Variants in NKAIN2 observed in about 807,000 individuals in gnomAD.
NKAIN2 encodes the protein sodium/potassium-transporting ATPase subunit beta-1-interacting protein 2.
A neutral mutation model predicts 32.6 loss-of-function variants in NKAIN2; 14 were observed. That is an observed-to-expected ratio of 0.43 (90% CI 0.28 to 0.67). The LOEUF (loss-of-function observed/expected upper bound fraction) is 0.67, where lower values mean the gene tolerates loss of function less well. NKAIN2 is among the 30% of genes least tolerant of loss of function. The pLI is 0.17. For missense variants in NKAIN2, 198 were observed against 258.3 expected, an observed-to-expected ratio of 0.77 and a Z score of 1.60; for synonymous variants, 80 against 87.2, an observed-to-expected ratio of 0.92 and a Z score of 0.46.
intron 3 of NKAIN2, among the ~76,000 whole-genome samples, chr6:124,358,985 C>A (rs9401738): frequency 0.13 from 18,984 of 148,156 alleles, 1,267 homozygotes; most frequent in African/African-American, 0.18. Context: ...TCAGCTTTCT[C>A]CATATGGCTA....
At chr6:124,271,226 A>G (rs939201219) in intron 1 of NKAIN2, among the ~76,000 whole-genome samples, 1 of 150,030 alleles carries the variant, frequency 6.7e-6, no homozygotes, top group African/African-American at 2.5e-5. Context: ...CTCCTTTCTT[A>G]TTTTTTTTTG....
chr6:123,873,208 A>G (rs1772991017), intron 1 of NKAIN2, among the ~76,000 whole-genome samples: 1 of 147,876 alleles, frequency 6.8e-6, no homozygotes, highest in South Asian at 2.2e-4. Context: ...GCCATGGAAG[A>G]GCTAATATAT....
chr6:123,862,606 T>G (rs1201477617), intron 1 of NKAIN2, among the ~76,000 whole-genome samples: 1 of 152,198 alleles, frequency 6.6e-6, no homozygotes, highest in Non-Finnish European at 1.5e-5. Context: ...GCTCCATAGT[T>G]TATACCCTGT....
intron 5 of NKAIN2, among the ~76,000 whole-genome samples, chr6:124,792,513 T>G (rs910701298): frequency 6.6e-6 from 1 of 152,156 alleles, no homozygotes; most frequent in African/African-American, 2.4e-5. Context: ...TGTCAGCCTT[T>G]GGAGATTTTA....
intron 3 of NKAIN2, among the ~76,000 whole-genome samples, chr6:124,580,846 C>G (rs1781492076): frequency 1.3e-5 from 2 of 152,024 alleles, no homozygotes; most frequent in Non-Finnish European, 2.9e-5. Context: ...ACAAACCAAA[C>G]AACTAAACAA....
At chr6:124,726,136 C>T (rs929099502) in intron 4 of NKAIN2, among the ~76,000 whole-genome samples, 1 of 152,298 alleles carries the variant, frequency 6.6e-6, no homozygotes, top group South Asian at 2.1e-4. Context: ...GGGGGAGGGG[C>T]GCCCACCATT....
At chr6:123,965,388 G>A (rs1778024046) in intron 1 of NKAIN2, among the ~76,000 whole-genome samples, 1 of 152,178 alleles carries the variant, frequency 6.6e-6, no homozygotes, top group South Asian at 2.1e-4. Context: ...TAAGGGATTA[G>A]AATGGGAAAT....
At chr6:124,423,827 G>A (rs1295127771) in intron 3 of NKAIN2, among the ~76,000 whole-genome samples, 3 of 152,162 alleles carry the variant, frequency 2.0e-5, no homozygotes, top group African/African-American at 7.2e-5. Context: ...CTGGGCAGAT[G>A]TCTCTTTGAG....
intron 1 of NKAIN2, among the ~76,000 whole-genome samples, chr6:124,215,338 T>C (rs550574928): frequency 1.4e-4 from 22 of 152,168 alleles, no homozygotes; most frequent in African/African-American, 4.8e-4. Context: ...ATTTTTATAA[T>C]AATCAAATAT....
chr6:124,513,601 A>G (rs1778797676), intron 3 of NKAIN2, among the ~76,000 whole-genome samples: 1 of 152,188 alleles, frequency 6.6e-6, no homozygotes, highest in Non-Finnish European at 1.5e-5. Flanking sequence ...AACCATGCTT[A>G]TCAATAGATA....
chr6:124,516,765 C>A (rs1778930919), intron 3 of NKAIN2, among the ~76,000 whole-genome samples: 1 of 152,150 alleles, frequency 6.6e-6, no homozygotes, highest in Non-Finnish European at 1.5e-5. Context: ...CTCCCAAATA[C>A]TCATTTTCTC....
At chr6:124,332,547 G>A (rs948739820) in intron 2 of NKAIN2, among the ~76,000 whole-genome samples, 3 of 152,024 alleles carry the variant, frequency 2.0e-5, no homozygotes, top group Non-Finnish European at 2.9e-5. Context: ...CAAATAATGT[G>A]TCTACTTGAT....
chr6:124,711,234 C>T (rs1481370058), intron 4 of NKAIN2, among the ~76,000 whole-genome samples: 1 of 109,242 alleles, frequency 9.2e-6, no homozygotes, highest in African/African-American at 3.8e-5. Flanking sequence ...TTGAGGGTAA[C>T]CCGACCTTTC....
intron 3 of NKAIN2, among the ~76,000 whole-genome samples, chr6:124,597,547 A>G (rs1583495182): frequency 6.6e-6 from 1 of 152,216 alleles, no homozygotes; most frequent in East Asian, 1.9e-4. Context: ...TTGACACACT[A>G]TATATGAAAA....
intron 3 of NKAIN2, among the ~76,000 whole-genome samples, chr6:124,372,989 A>C (rs1799830883): frequency 6.6e-6 from 1 of 152,202 alleles, no homozygotes; most frequent in Admixed American, 6.5e-5. Flanking sequence ...GATTCAAATT[A>C]TAGTTATAAA....
At chr6:124,077,766 T>TC (rs1365124711) in intron 1 of NKAIN2, among the ~76,000 whole-genome samples, 3 of 151,860 alleles carry the variant, frequency 2.0e-5, no homozygotes, top group Admixed American at 1.3e-4. Context: ...CCAGCTATTT[T>TC]TTTTTTATTT....
chr6:124,048,294 A>G (rs1325709204), intron 1 of NKAIN2, among the ~76,000 whole-genome samples: 1 of 152,014 alleles, frequency 6.6e-6, no homozygotes, highest in Non-Finnish European at 1.5e-5. Flanking sequence ...GAAAAGGAGA[A>G]GAGATCTGGA....
At chr6:124,165,606 G>A (rs986203306) in intron 1 of NKAIN2, among the ~76,000 whole-genome samples, 2 of 150,966 alleles carry the variant, frequency 1.3e-5, no homozygotes, top group African/African-American at 4.9e-5. Flanking sequence ...ATGCTGGTGT[G>A]CTGCACCCAT....
rs533088875 is a variant in NKAIN2 at position 124,286,525 on chromosome 6, T to C, written c.192+3383T>C. 3.2e-4 allele frequency among the ~76,000 whole-genome samples: 49 copies of C among 152,242 alleles called. 1 individual carries two copies. The highest frequency in any genetic ancestry group is 1.2e-3 in the African/African-American group (48 of 41,546). ...TAACCCTGTGTATTATCTGTTCTCA[T>C]AGTTGTTAATTTGATAGAAGAAAAA... is the stretch of plus-strand genomic sequence containing the variant. On this transcript the variant is annotated intron_variant, in intron 2 of 6. Transcript: ENST00000368417.
Sources: allele counts gnomAD v4.1 joint callset (sites outside exome capture counted in the v4.1 genomes callset), GRCh38; gene constraint gnomAD v4.1.1; transcripts MANE v1.5; gene names NCBI Gene and HGNC (gene_info 2026-07-23, HGNC 2026-07-21).